ERICH6B: variants seen among roughly 807,000 people sequenced by gnomAD.
The protein encoded by ERICH6B is glutamate-rich protein 6B.
In ERICH6B, 69 loss-of-function variants were observed where a neutral mutation model predicts 80.0. That is an observed-to-expected ratio of 0.86 (90% CI 0.71 to 1.05). ERICH6B has a LOEUF of 1.05. Among genes scored for constraint, ERICH6B ranks in the 50% least tolerant of loss-of-function variants. The pLI is 0.00. For synonymous variants in ERICH6B, 283 were observed against 291.9 expected (o/e 0.97, Z 0.31); for missense variants, 754 against 796.1 (o/e 0.95, Z 0.64).
chr13:45,609,814 A>G (rs1457754287), intron 1 of ERICH6B, among the ~76,000 whole-genome samples: 1 of 152,256 alleles, frequency 6.6e-6, no homozygotes, highest in Non-Finnish European at 1.5e-5. Flanking sequence ...AAACTGCATC[A>G]TTAGGCAATT....
chr13:45,596,377 T>A lies in ERICH6B; in HGVS notation c.629A>T (p.Tyr210Phe). ...CTCCTCCAGATACTCACCTTTCAGA[T>A]ACTTTTTATACAGATTTTCTTTTCC... ...LDGKENLYKK[Y>F]LKEPKASYSS... The change falls in exon 3 of 15, where the codon TAT becomes TTT. Residue 210 changes from tyrosine to phenylalanine, a missense_variant. Physicochemically the swap from Tyr to Phe is conservative, Grantham distance 22 (BLOSUM62 3). Coordinates refer to ENST00000298738, the MANE Select transcript of ERICH6B (RefSeq NM_182542.3). 1.9e-6 allele frequency: 3 copies of A among 1,548,926 alleles called. No individual in the cohort carries two copies. The highest frequency in any genetic ancestry group is 2.6e-6 in the Non-Finnish European group (3 of 1,145,770).
intron 11 of ERICH6B, among the ~76,000 whole-genome samples, chr13:45,556,785 A>G (rs1874459804): frequency 6.6e-6 from 1 of 151,986 alleles, no homozygotes; most frequent in Non-Finnish European, 1.5e-5. Flanking sequence ...GTGTGTATAT[A>G]TATATACACA....
At chr13:45,597,165 G>C (rs1876433389) in intron 2 of ERICH6B, 102 bp from the exon 3 acceptor site, 3 of 833,264 alleles carry the variant, frequency 3.6e-6, no homozygotes, top group Non-Finnish European at 1.8e-6. Flanking sequence ...AGTCTTTGGA[G>C]GGCTCTTTAA....
chr13:45,573,174 T>TAC (rs370476763), intron 8 of ERICH6B, among the ~76,000 whole-genome samples: 2 of 151,978 alleles, frequency 1.3e-5, no homozygotes, highest in African/African-American at 2.4e-5. Context: ...TATTTATATG[T>TAC]ACACACACAC....
intron 13 of ERICH6B, among the ~76,000 whole-genome samples, chr13:45,546,326 G>A (rs990438955): frequency 2.0e-5 from 3 of 152,168 alleles, no homozygotes; most frequent in Admixed American, 6.5e-5. Context: ...CATCTCTAGG[G>A]AATCACATGA....
rs530568789 is a variant in ERICH6B, at chr13:45,606,018, C to T, written c.-59+1546G>A. Among the ~76,000 whole-genome samples the T allele has an allele frequency of 4.6e-5, 7 of 152,176 alleles. No individual in the cohort carries two copies. The South Asian group carries it at 8.3e-4, about 18-fold the overall frequency. On this transcript the variant is annotated intron_variant, in intron 2 of 14. Coordinates refer to ENST00000298738, the MANE Select transcript of ERICH6B (RefSeq NM_182542.3). ...GTCTCATTCCAAAGTCTAAATACCACGAAAGAGGAGATAAGCGACATATGT... is the reference window on the plus strand; with the variant it reads ...GTCTCATTCCAAAGTCTAAATACCATGAAAGAGGAGATAAGCGACATATGT...
chr13:45,583,471 T>G lies in ERICH6B; in HGVS notation c.857-2806A>C, dbSNP rs538103306. Among the ~76,000 whole-genome samples the G allele has an allele frequency of 2.0e-5, 3 of 152,334 alleles. No individual in the cohort carries two copies. In the East Asian group the frequency reaches 5.8e-4, roughly 29 times the overall value. ...TCCTCATCTTTTTAACCTCTGCATG[T>G]GATATTTCAAAATCTGAGTCCACTG... On this transcript the variant is annotated intron_variant, in intron 5 of 14. Transcript: ENST00000298738.
intron 3 of ERICH6B, among the ~76,000 whole-genome samples, chr13:45,591,299 A>G (rs1876145929): frequency 6.6e-6 from 1 of 152,218 alleles, no homozygotes; most frequent in Non-Finnish European, 1.5e-5. Context: ...TCCCTTGGCT[A>G]TTAAAATGAT....
At position 45,544,796 on chromosome 13, in the gene ERICH6B, C is replaced by G; in HGVS notation, c.1836G>C (p.Gln612His). 1 of 1,551,734 alleles carries G rather than the reference C, an allele frequency of 6.4e-7. No individual in the cohort carries two copies. The highest frequency in any genetic ancestry group is 8.7e-7 in the Non-Finnish European group (1 of 1,147,016). Residue 612 changes from glutamine to histidine, a missense_variant, in exon 14 of 15, where the codon CAG (glutamine) becomes CAC (histidine). Coordinates refer to ENST00000298738, the MANE Select transcript of ERICH6B (RefSeq NM_182542.3). ...TGCCCAGGTTTAAACAAATCTGCTT[C>G]TGTTCATAGGTGAAGCAGAAGATGA... Reference protein sequence around the residue: ...DKIIFCFTYEQKQICLNLGTR... With the variant: ...DKIIFCFTYEHKQICLNLGTR...
Position 45,581,485 on chromosome 13 carries a change from T to C in ERICH6B, c.857-820A>G, listed in dbSNP as rs537728905. 1.8e-4 allele frequency among the ~76,000 whole-genome samples: 27 copies of C among 152,320 alleles called. 1 individual carries two copies. The South Asian group carries it at 5.4e-3, about 30-fold the overall frequency. Reference sequence around the variant, plus strand: ...TCCGCCTCCCAGGTTCAAGTCATTCTCCTGCCTCAGCCTCCTGAGTAGCTG... The same window carrying C: ...TCCGCCTCCCAGGTTCAAGTCATTCCCCTGCCTCAGCCTCCTGAGTAGCTG... On this transcript the variant is annotated intron_variant, in intron 5 of 14. Transcript: ENST00000298738.
At position 45,587,187 on chromosome 13, in the gene ERICH6B, G is replaced by C; in HGVS notation, c.732C>G (p.Val244=). 6.4e-7 allele frequency: 1 copy of C among 1,551,678 alleles called. No individual in the cohort carries two copies. The highest frequency in any genetic ancestry group is 1.7e-4 in the Middle Eastern group (1 of 5,992). The change falls in exon 5 of 15, where the codon GTC becomes GTG. Residue 244 remains valine, a synonymous_variant. Transcript: ENST00000298738. ...GPSQVTTFLT[V]PLTFATPSPV... is the part of the protein sequence containing the mutation. ...GAGAAGGGGTAGCGAAAGTCAACGG[G>C]ACAGTCAAGAAGGTGGTCACCTGAG...
chr13:45,592,299 G>A (rs1288022585), intron 3 of ERICH6B, among the ~76,000 whole-genome samples: 1 of 152,246 alleles, frequency 6.6e-6, no homozygotes, highest in African/African-American at 2.4e-5. Flanking sequence ...GAAGAAACCA[G>A]CTCTGGGGCT....
intron 5 of ERICH6B, among the ~76,000 whole-genome samples, chr13:45,585,801 A>G (rs1218536253): frequency 2.0e-5 from 3 of 152,192 alleles, no homozygotes; most frequent in South Asian, 2.1e-4. Flanking sequence ...TTACAACCTC[A>G]ATGAAATGCA....
rs1876429899 is a variant in ERICH6B, at chr13:45,597,071, C to T, written c.-58-8G>A. On this transcript the variant is annotated splice_polypyrimidine_tract_variant and splice_region_variant and intron_variant, in intron 2 of 14. Transcript: ENST00000298738. ...CAACGTCACTTTATTATCCTGTATC[C>T]AAGAAAGGAATAAAATCCTATTAGC... The T allele has an allele frequency of 1.4e-6, 2 of 1,449,290 alleles. No homozygotes were observed. Among genetic ancestry groups the T allele is most frequent in the African/African-American group, 2.9e-5 (2 of 69,760 alleles). 89.8% of individuals were successfully genotyped at this position (1,449,290 alleles called of 1,614,324 possible).
At chr13:45,577,274 A>ACCTTTTTTTTTTT (rs1566295865) in intron 7 of ERICH6B, among the ~76,000 whole-genome samples, 9 of 110,802 alleles carry the variant, frequency 8.1e-5, no homozygotes, top group African/African-American at 3.2e-4. Flanking sequence ...TTAAAAACAA[A>ACCTTTTTTTTTTT]TCTTTTTTTT....
chr13:45,606,998 G>T (rs778782696), intron 2 of ERICH6B, among the ~76,000 whole-genome samples: 13 of 152,184 alleles, frequency 8.5e-5, no homozygotes, highest in Non-Finnish European at 1.8e-4. Context: ...CTTGCGGCCA[G>T]TTGTGCTGTG....
intron 10 of ERICH6B, among the ~76,000 whole-genome samples, chr13:45,561,756 T>A (rs1874692059): frequency 6.6e-6 from 1 of 152,180 alleles, no homozygotes; most frequent in Admixed American, 6.5e-5. Context: ...TCACTCAACA[T>A]GTACTTATCA....
chr13:45,546,066 TTGTC>T (rs754211203), intron 13 of ERICH6B, among the ~76,000 whole-genome samples: 2 of 152,166 alleles, frequency 1.3e-5, no homozygotes, highest in African/African-American at 2.4e-5. Flanking sequence ...GGCAGGGACC[TTGTC>T]TGTCTGCTGC....
intron 11 of ERICH6B, 131 bp from the exon 12 acceptor site, chr13:45,550,447 G>A (rs1423608657): frequency 3.0e-6 from 2 of 667,870 alleles, no homozygotes; most frequent in Non-Finnish European, 5.2e-6. Context: ...ACTTGCTGGG[G>A]AGCTGCGGGG....
Sources: allele counts gnomAD v4.1 joint callset (sites outside exome capture counted in the v4.1 genomes callset), GRCh38; gene constraint gnomAD v4.1.1; transcripts MANE v1.5; gene names NCBI Gene and HGNC (gene_info 2026-07-23, HGNC 2026-07-21).